Variants in PARD3B observed in about 807,000 individuals in gnomAD.
PARD3B encodes the protein par-3 family cell polarity regulator beta.
PARD3B carries 103 observed loss-of-function variants against 130.2 expected under a neutral mutation model. The ratio of observed to expected loss-of-function variants is 0.79; its 90% CI spans 0.67 to 0.93. The LOEUF (loss-of-function observed/expected upper bound fraction) is 0.93, where lower values mean the gene tolerates loss of function less well. Among genes scored for constraint, PARD3B ranks in the 40% least tolerant of loss-of-function variants. PARD3B has a pLI of 0.00. For synonymous variants in PARD3B, 583 were observed against 553.2 expected (o/e 1.05, Z -0.76); for missense variants, 1,609 against 1,499.2 (o/e 1.07, Z -1.21).
At chr2:205,186,853 A>C (rs1053579857) in intron 14 of PARD3B, among the ~76,000 whole-genome samples, 1 of 152,218 alleles carries the variant, frequency 6.6e-6, no homozygotes, top group Non-Finnish European at 1.5e-5. Flanking sequence ...ATTCATTTCC[A>C]TTGCCTGCCT....
chr2:205,513,255 G>A (rs2050661912), intron 21 of PARD3B, among the ~76,000 whole-genome samples: 1 of 152,070 alleles, frequency 6.6e-6, no homozygotes, highest in Admixed American at 6.6e-5. Flanking sequence ...ATGGGCTTTA[G>A]GAGGTTGTGG....
At chr2:204,776,422 G>A (rs569279092) in intron 2 of PARD3B, among the ~76,000 whole-genome samples, 1 of 152,206 alleles carries the variant, frequency 6.6e-6, no homozygotes, top group South Asian at 2.1e-4. Flanking sequence ...TCCTCTTTAA[G>A]TTACCTGTAT....
intron 2 of PARD3B, among the ~76,000 whole-genome samples, chr2:204,920,454 T>C (rs2047631519): frequency 6.6e-6 from 1 of 152,172 alleles, no homozygotes; most frequent in African/African-American, 2.4e-5. Context: ...ACCATGGCCT[T>C]ATGCCCTGGA....
rs947051371 is a variant in PARD3B, at chr2:205,158,023, A to G, written c.1435-699A>G. Among the ~76,000 whole-genome samples the G allele has an allele frequency of 2.0e-5, 3 of 152,192 alleles. No homozygotes were observed. Among genetic ancestry groups the G allele is most frequent in the Non-Finnish European group, 1.5e-5 (1 of 68,038 alleles). On this transcript the variant is annotated intron_variant, in intron 10 of 22. Transcript: ENST00000406610. The surrounding 1 kb of genome is among the most constrained non-coding windows in gnomAD (Gnocchi z 5.4). Reference sequence around the variant, plus strand: ...GTGTCATTTATCAAATATGACATGAATGTTTGTTGTGCATAATCATTTTTG... The same window carrying G: ...GTGTCATTTATCAAATATGACATGAGTGTTTGTTGTGCATAATCATTTTTG...
chr2:204,552,687 G>T (rs1364290232), intron 1 of PARD3B, among the ~76,000 whole-genome samples: 1 of 152,166 alleles, frequency 6.6e-6, no homozygotes, highest in Non-Finnish European at 1.5e-5. Context: ...AGGTTGAGAG[G>T]TGAGGATCCA....
chr2:204,688,608 A>G (rs2037204938), intron 2 of PARD3B, among the ~76,000 whole-genome samples: 1 of 151,866 alleles, frequency 6.6e-6, no homozygotes, highest in African/African-American at 2.4e-5. Flanking sequence ...GGTGAAAAAA[A>G]GAATTTCTTA....
intron 2 of PARD3B, among the ~76,000 whole-genome samples, chr2:204,700,141 A>G (rs957312408): frequency 1.4e-4 from 22 of 152,260 alleles, no homozygotes; most frequent in African/African-American, 5.3e-4. Context: ...GCTAAAATTG[A>G]AAATTAGATT....
intron 18 of PARD3B, among the ~76,000 whole-genome samples, chr2:205,386,300 G>A (rs578162260): frequency 1.3e-5 from 2 of 152,270 alleles, no homozygotes; most frequent in Admixed American, 1.3e-4. Flanking sequence ...GTTGGGAGGA[G>A]AGCCTGTGGT....
chr2:204,812,245 C>T lies in PARD3B; in HGVS notation c.222+125963C>T, dbSNP rs561143529. Among the ~76,000 whole-genome samples the T allele has an allele frequency of 6.6e-5, 10 of 152,212 alleles. No individual in the cohort carries two copies. In the South Asian group the frequency reaches 1.7e-3, roughly 25 times the overall value. ...CCATATTTATTGTATGGATATACCA[C>T]GGTTTGATTGTCCATATGTTAGCAA... is the stretch of plus-strand genomic sequence containing the variant. On this transcript the variant is annotated intron_variant, in intron 2 of 22. Coordinates refer to ENST00000406610, the MANE Select transcript of PARD3B (RefSeq NM_001302769.2).
rs115173889 is a variant in PARD3B at position 204,891,635 on chromosome 2, C to A, written c.223-73517C>A. 3.5e-3 allele frequency among the ~76,000 whole-genome samples: 529 copies of A among 152,286 alleles called. 2 individuals carry two copies. The highest frequency in any genetic ancestry group is 0.012 in the African/African-American group (497 of 41,564). Reference sequence around the variant, plus strand: ...TTGCAATACTGCAGTAAAAAGCTTACTGCAGTCTCATTGAAAACCAGCCAC... The same window carrying A: ...TTGCAATACTGCAGTAAAAAGCTTAATGCAGTCTCATTGAAAACCAGCCAC... On this transcript the variant is annotated intron_variant, in intron 2 of 22. Transcript: ENST00000406610.
At chr2:205,119,107 C>T in intron 7 of PARD3B, 61 bp downstream of exon 7, 1 of 1,515,842 alleles carries the variant, frequency 6.6e-7, no homozygotes, top group South Asian at 1.4e-5. Context: ...ATAAGCATTA[C>T]TGAACTCATT....
chr2:204,922,126 A>G (rs1320370932), intron 2 of PARD3B, among the ~76,000 whole-genome samples: 1 of 152,136 alleles, frequency 6.6e-6, no homozygotes, highest in Non-Finnish European at 1.5e-5. Flanking sequence ...CCCATGGGAT[A>G]TCTAAATGGC....
chr2:204,638,126 A>C (rs1221469021), intron 1 of PARD3B, among the ~76,000 whole-genome samples: 2 of 152,210 alleles, frequency 1.3e-5, no homozygotes, highest in African/African-American at 4.8e-5. Context: ...CTTATACAAA[A>C]ATGGAAAAAG....
In PARD3B at chr2:205,116,560, A is replaced by G. The variant is rs1050131618; in HGVS notation, c.681-2361A>G. Among the ~76,000 whole-genome samples the G allele has an allele frequency of 1.3e-5, 2 of 152,238 alleles. No individual in the cohort carries two copies. Among genetic ancestry groups the G allele is most frequent in the Admixed American group, 1.3e-4 (2 of 15,286 alleles). On this transcript the variant is annotated intron_variant, in intron 6 of 22. Transcript: ENST00000406610. The surrounding 1 kb of genome is among the most constrained non-coding windows in gnomAD (Gnocchi z 4.5). ...CAAATTAACTGGTTAGTCTCGGCCT[A>G]TAACTCCTCGACAGCATTAATCTTT...
At chr2:204,988,616 A>G (rs1255195569) in intron 3 of PARD3B, among the ~76,000 whole-genome samples, 2 of 152,186 alleles carry the variant, frequency 1.3e-5, no homozygotes, top group Admixed American at 6.5e-5. Flanking sequence ...ATATATACCT[A>G]TTGTGTACCC....
At chr2:204,632,904 G>C (rs1340127075) in intron 1 of PARD3B, among the ~76,000 whole-genome samples, 1 of 152,130 alleles carries the variant, frequency 6.6e-6, no homozygotes, top group Non-Finnish European at 1.5e-5. Context: ...TGTTCCCCTC[G>C]GTGAGTGCCA....
At chr2:205,320,390 T>C (rs2042712730) in intron 18 of PARD3B, among the ~76,000 whole-genome samples, 1 of 152,212 alleles carries the variant, frequency 6.6e-6, no homozygotes, top group Non-Finnish European at 1.5e-5. Context: ...TGTGTTAGAA[T>C]GTACTAGTGA....
chr2:205,008,548 C>T (rs551719423), intron 3 of PARD3B, among the ~76,000 whole-genome samples: 1 of 152,176 alleles, frequency 6.6e-6, no homozygotes, highest in East Asian at 1.9e-4. Context: ...TTTCTGCCTT[C>T]CACTTGATTG....
chr2:205,035,600 C>T (rs1190164013), intron 3 of PARD3B, among the ~76,000 whole-genome samples: 1 of 151,494 alleles, frequency 6.6e-6, no homozygotes, highest in East Asian at 1.9e-4. Context: ...TTCACCTGGC[C>T]CTGTACCTTA....
Sources: gnomAD v4.1 joint callset for allele counts (sites outside exome capture counted in the v4.1 genomes callset) on GRCh38, gnomAD v4.1.1 for gene constraint, Gnocchi (gnomAD v3.1) non-coding constraint, MANE v1.5 for transcripts, NCBI Gene and HGNC (gene_info 2026-07-23, HGNC 2026-07-21) for gene names.